SHB: variants seen among roughly 807,000 people sequenced by gnomAD.
The protein encoded by SHB is SH2 domain-containing adapter protein B.
Under a neutral mutation model 52.3 loss-of-function variants are expected in SHB, and 20 were observed. The ratio of observed to expected loss-of-function variants is 0.38; its 90% CI spans 0.27 to 0.56. The LOEUF is 0.56. Among genes scored for constraint, SHB ranks in the 20% least tolerant of loss-of-function variants. The pLI is 0.71. For missense variants in SHB, 825 were observed against 723.3 expected (o/e 1.14, Z -1.61); for synonymous variants, 397 against 316.5 (o/e 1.25, Z -2.70).
chr9:38,055,685 G>A (rs1272334992), intron 1 of SHB, among the ~76,000 whole-genome samples: 2 of 152,104 alleles, frequency 1.3e-5, no homozygotes, highest in Admixed American at 6.5e-5. Context: ...CTCTCAGCTA[G>A]AGCACCCAGG....
At chr9:37,938,785 G>A (rs1015468364) in intron 5 of SHB, among the ~76,000 whole-genome samples, 1 of 152,250 alleles carries the variant, frequency 6.6e-6, no homozygotes, top group Admixed American at 6.5e-5. Context: ...CCAGCCTGTT[G>A]ACGGGCACGT....
chr9:37,974,112 T>C (rs554643504), intron 3 of SHB, among the ~76,000 whole-genome samples: 2 of 152,068 alleles, frequency 1.3e-5, no homozygotes, highest in South Asian at 4.2e-4. Flanking sequence ...AAAAATTAGC[T>C]GGGCATTGTG....
chr9:38,041,557 G>A (rs1268197931), intron 1 of SHB, among the ~76,000 whole-genome samples: 1 of 152,264 alleles, frequency 6.6e-6, no homozygotes, highest in Non-Finnish European at 1.5e-5. Context: ...CAAGTGCAGA[G>A]GTATAAAACT....
At chr9:37,994,572 C>T (rs1488549516) in intron 2 of SHB, among the ~76,000 whole-genome samples, 1 of 152,218 alleles carries the variant, frequency 6.6e-6, no homozygotes, top group African/African-American at 2.4e-5. Flanking sequence ...GACTTGGCAA[C>T]CTCTGTTGTG....
intron 2 of SHB, among the ~76,000 whole-genome samples, chr9:38,002,950 A>G (rs1399215148): frequency 1.3e-5 from 2 of 152,188 alleles, no homozygotes; most frequent in Non-Finnish European, 2.9e-5. Flanking sequence ...AAAGGCAGCC[A>G]GAAACTTTTT....
intron 3 of SHB, among the ~76,000 whole-genome samples, chr9:37,959,806 G>A (rs375405242): frequency 1.4e-4 from 21 of 151,030 alleles, no homozygotes; most frequent in African/African-American, 4.9e-4. Context: ...CCTCTCCCAA[G>A]ACTCACCTTG....
intron 2 of SHB, among the ~76,000 whole-genome samples, chr9:38,005,919 TG>T (rs1338126233): frequency 4.6e-5 from 7 of 152,270 alleles, no homozygotes; most frequent in Non-Finnish European, 1.0e-4. Flanking sequence ...TGGAATAGTT[TG>T]GGGCCCTCCT....
chr9:38,043,942 G>A (rs184223161), intron 1 of SHB, among the ~76,000 whole-genome samples: 144 of 152,316 alleles, frequency 9.5e-4, no homozygotes, highest in African/African-American at 3.3e-3. Context: ...CGCACTGGTG[G>A]CAGAGAAAGC....
At chr9:37,924,934 C>A (rs1415306923) in intron 5 of SHB, among the ~76,000 whole-genome samples, 1 of 152,226 alleles carries the variant, frequency 6.6e-6, no homozygotes, top group East Asian at 1.9e-4. Flanking sequence ...TCTTCCTCTG[C>A]TCAGCTACCC....
intron 3 of SHB, among the ~76,000 whole-genome samples, chr9:37,963,749 G>C (rs1832719353): frequency 6.6e-6 from 1 of 152,024 alleles, no homozygotes; most frequent in African/African-American, 2.4e-5. Flanking sequence ...TGGGAGGTAG[G>C]GTGGACTACA....
chr9:37,949,642 C>T (rs115225165), intron 4 of SHB, among the ~76,000 whole-genome samples: 471 of 152,254 alleles, frequency 3.1e-3, no homozygotes, highest in African/African-American at 0.011. Flanking sequence ...AATGGGGCTG[C>T]AGCAGGGGCT....
intron 2 of SHB, among the ~76,000 whole-genome samples, chr9:37,977,016 C>T (rs1476476752): frequency 6.6e-6 from 1 of 152,196 alleles, no homozygotes; most frequent in Non-Finnish European, 1.5e-5. Flanking sequence ...TAACTTTATG[C>T]TAGTATTTCC....
chr9:37,959,836 A>C (rs530982307), intron 3 of SHB, among the ~76,000 whole-genome samples: 1 of 99,010 alleles, frequency 1.0e-5, no homozygotes, highest in East Asian at 6.0e-4. Context: ...CCCTAACTGC[A>C]TGTCCTACCC....
intron 1 of SHB, among the ~76,000 whole-genome samples, chr9:38,067,043 G>A (rs1410084677): frequency 6.6e-6 from 1 of 152,192 alleles, no homozygotes; most frequent in Non-Finnish European, 1.5e-5. Flanking sequence ...GGCTTCACAG[G>A]AGTGTGAAGG....
At chr9:38,052,310 G>C (rs1821761780) in intron 1 of SHB, among the ~76,000 whole-genome samples, 1 of 151,978 alleles carries the variant, frequency 6.6e-6, no homozygotes, top group African/African-American at 2.4e-5. Context: ...AGTCTGACTT[G>C]TACAAGGCCT....
chr9:37,924,669 A>G (rs1452372160), intron 5 of SHB, among the ~76,000 whole-genome samples: 1 of 152,150 alleles, frequency 6.6e-6, no homozygotes, highest in African/African-American at 2.4e-5. Flanking sequence ...GCCAAAACAG[A>G]TATAACAACA....
intron 2 of SHB, among the ~76,000 whole-genome samples, chr9:37,983,834 A>G (rs927226905): frequency 4.7e-4 from 71 of 152,200 alleles, no homozygotes; most frequent in African/African-American, 1.6e-3. Flanking sequence ...GAAGGGCTGC[A>G]TTACTGGAAT....
rs1281100046 is a variant in SHB at position 38,068,868 on chromosome 9, A to C, written c.-223T>G. ...ACCTCCCTCCGCCTAGCGCCGCCCA[A>C]GCTAGGAATCTCGCGCCCCTCGTGG... On this transcript the variant is annotated 5_prime_UTR_variant, in exon 1 of 6. Coordinates refer to ENST00000377707, the MANE Select transcript of SHB (RefSeq NM_003028.3). The C allele has an allele frequency of 1.3e-5, 2 of 154,130 alleles. No individual in the cohort carries two copies. The highest frequency in any genetic ancestry group is 3.9e-4 in the East Asian group (2 of 5,072). 9.5% of individuals were successfully genotyped at this position (154,130 alleles called of 1,614,324 possible). A position where few individuals can be genotyped will look rare whatever the true frequency, so the allele number is the denominator to read the frequency against.
At position 38,063,719 on chromosome 9, in the gene SHB, T is replaced by C. The variant is rs149949964; in HGVS notation, c.717+4210A>G. 1.6e-4 allele frequency among the ~76,000 whole-genome samples: 25 copies of C among 152,302 alleles called. No individual in the cohort carries two copies. In the East Asian group the frequency reaches 3.7e-3, roughly 22 times the overall value. On this transcript the variant is annotated intron_variant, in intron 1 of 5. Coordinates refer to ENST00000377707, the MANE Select transcript of SHB (RefSeq NM_003028.3). ...AACTGCAAACTGAGAAGCTTCCTTTTTGGAAAGTTAGCCACCACTTACTTC... is the reference window on the plus strand; with the variant it reads ...AACTGCAAACTGAGAAGCTTCCTTTCTGGAAAGTTAGCCACCACTTACTTC...
Sources: allele counts gnomAD v4.1 joint callset (sites outside exome capture counted in the v4.1 genomes callset), GRCh38; gene constraint gnomAD v4.1.1; transcripts MANE v1.5; gene names NCBI Gene and HGNC (gene_info 2026-07-23, HGNC 2026-07-21).